The following RHOT2 variants were observed in gnomAD, a reference collection of about 807,000 sequenced individuals.
RHOT2 encodes the protein mitochondrial Rho GTPase 2.
RHOT2 carries 90 observed loss-of-function variants against 81.6 expected under a neutral mutation model. That is an observed-to-expected ratio of 1.10 (90% confidence interval 0.93 to 1.31). The LOEUF (loss-of-function observed/expected upper bound fraction) is 1.31. RHOT2 is among the 40% of genes most tolerant of loss of function. The pLI is 0.00. For missense variants in RHOT2, 1,014 were observed against 841.9 expected (o/e 1.20, Z -2.53); for synonymous variants, 512 against 370.9 (o/e 1.38, Z -4.37).
At chr16:668,453 C>G (rs1567231732) in intron 2 of RHOT2, 35 bp from the exon 3 acceptor site, 1 of 1,578,586 alleles carries the variant, frequency 6.3e-7, no homozygotes, top group Non-Finnish European at 8.6e-7. Flanking sequence ...CGGGCCCAGC[C>G]GGGGGTCCCT....
At position 673,926 on chromosome 16, in the gene RHOT2, G is replaced by A; in HGVS notation, c.*320G>A. The A allele has an allele frequency of 3.6e-6, 2 of 554,666 alleles. No homozygotes were observed. The highest frequency in any genetic ancestry group is 1.5e-5 in the South Asian group (1 of 64,642). The allele number at this position is 554,666 out of a possible 1,614,324, so 34.4% of individuals were successfully genotyped here. On this transcript the variant is annotated 3_prime_UTR_variant, in exon 19 of 19. Coordinates refer to ENST00000315082, the MANE Select transcript of RHOT2 (RefSeq NM_138769.3). ...GGGGAGCACAGGTGTGGGAGCTGGT[G>A]ACCCCAGACCCAGAATTCTCAGGGC... is the stretch of plus-strand genomic sequence containing the variant.
Position 668,134 on chromosome 16 carries a change from A to C in RHOT2, c.-66A>C. ...AAGTGCGGGGCGGGCGCGGGGGCAG[A>C]GCGAAAGGCTTGAGGACCAGGTCGG... is the stretch of plus-strand genomic sequence containing the variant. On this transcript the variant is annotated 5_prime_UTR_variant, in exon 1 of 19. Coordinates refer to ENST00000315082, the MANE Select transcript of RHOT2 (RefSeq NM_138769.3). 2.4e-6 allele frequency: 1 copy of C among 418,606 alleles called. No homozygotes were observed. Among genetic ancestry groups the C allele is most frequent in the Non-Finnish European group, 4.2e-6 (1 of 239,018 alleles). 25.9% of individuals were successfully genotyped at this position (418,606 alleles called of 1,614,324 possible).
Position 669,554 on chromosome 16 carries a change from C to T in RHOT2, c.224C>T (p.Ala75Val), listed in dbSNP as rs1596491402. The T allele has an allele frequency of 6.2e-7, 1 of 1,611,866 alleles. No homozygotes were observed. The highest frequency in any genetic ancestry group is 8.5e-7 in the Non-Finnish European group (1 of 1,179,838). ...DEELREEIHK[A>V]NVVCVVYDVS... ...CACACCTCATCACTGTTCCCTCAGG[C>T]AAACGTGGTGTGTGTGGTGTATGAC... The change falls in exon 5 of 19, where the codon GCA (alanine) becomes GTA (valine). Residue 75 changes from alanine (A) to valine (V), a missense_variant and splice_region_variant. Coordinates refer to ENST00000315082, the MANE Select transcript of RHOT2 (RefSeq NM_138769.3).
In RHOT2 at chr16:672,381, G is replaced by T; in HGVS notation, c.1323G>T (p.Leu441=). 2.5e-6 allele frequency: 4 copies of T among 1,609,762 alleles called. No individual in the cohort carries two copies. Among genetic ancestry groups the T allele is most frequent in the Non-Finnish European group, 3.4e-6 (4 of 1,178,184 alleles). Residue 441 remains leucine, a synonymous_variant, in exon 15 of 19, where the codon CTG becomes CTT. Transcript: ENST00000315082. ...AFLQAFLGRG[L]GHQDTREQPP... Reference sequence around the variant, plus strand: ...TGCAGGCCTTTCTCGGCCGCGGCCTGGGGGTAAGCACCCTAGACTCCCCCA... The same window carrying T: ...TGCAGGCCTTTCTCGGCCGCGGCCTTGGGGTAAGCACCCTAGACTCCCCCA...
rs2038288397 is a variant in RHOT2 at position 668,430 on chromosome 16, G to C, written c.96+19G>C. The C allele has an allele frequency of 6.5e-7, 1 of 1,547,424 alleles. No individual in the cohort carries two copies. The highest frequency in any genetic ancestry group is 8.7e-7 in the Non-Finnish European group (1 of 1,150,596). Reference sequence around the variant, plus strand: ...CGAGGAGGTAAGGGGCACGCCCGCCGCGGGGGTGGGAGCGGGCCCAGCCGG... The same window carrying C: ...CGAGGAGGTAAGGGGCACGCCCGCCCCGGGGGTGGGAGCGGGCCCAGCCGG... On this transcript the variant is annotated intron_variant, in intron 2 of 18. Coordinates refer to ENST00000315082, the MANE Select transcript of RHOT2 (RefSeq NM_138769.3).
chr16:672,843 C>T lies in RHOT2; in HGVS notation c.1527+18C>T, dbSNP rs1419042983. On this transcript the variant is annotated intron_variant, in intron 17 of 18. Coordinates refer to ENST00000315082, the MANE Select transcript of RHOT2 (RefSeq NM_138769.3). ...TCTACAAGGTGGGGCCCTGCAGGGG[C>T]CACGTGGCCATGGGGCAGGGTCTGT... 2 of 1,612,482 alleles carry T rather than the reference C, an allele frequency of 1.2e-6. No homozygotes were observed. Among genetic ancestry groups the T allele is most frequent in the Non-Finnish European group, 1.7e-6 (2 of 1,179,970 alleles).
At position 672,296 on chromosome 16, in the gene RHOT2, A is replaced by G; in HGVS notation, c.1238A>G (p.Gln413Arg). 1 of 1,612,304 alleles carries G rather than the reference A, an allele frequency of 6.2e-7. No individual in the cohort carries two copies. Among genetic ancestry groups the G allele is most frequent in the East Asian group, 2.2e-5 (1 of 44,860 alleles). The change falls in exon 15 of 19, where the codon CAG becomes CGG. Residue 413 changes from glutamine to arginine, a missense_variant. Coordinates refer to ENST00000315082, the MANE Select transcript of RHOT2 (RefSeq NM_138769.3). ...KRLDQEKGQTQRSVLLCKVVG... is the reference protein window; with the variant it reads ...KRLDQEKGQTRRSVLLCKVVG... ...CTGGACCAGGAGAAGGGACAGACGC[A>G]GCGGAGCGTCCTCCTGTGCAAGGTG...
At chr16:671,576 G>A (rs1302891170) in intron 11 of RHOT2, 121 bp from the exon 12 acceptor site, 33 of 1,106,282 alleles carry the variant, frequency 3.0e-5, no homozygotes, top group Non-Finnish European at 2.9e-5. Flanking sequence ...GGGCGTACAG[G>A]AGCCTCTGGG....
intron 4 of RHOT2, 37 bp downstream of exon 4, chr16:668,736 G>T (rs1182546773): frequency 1.1e-5 from 17 of 1,561,662 alleles, no homozygotes; most frequent in Middle Eastern, 3.4e-4. Context: ...GGGGCTGGGC[G>T]CGGGCTCGGC....
intron 4 of RHOT2, 91 bp downstream of exon 4, chr16:668,790 G>C (rs757432032): frequency 7.3e-7 from 1 of 1,365,120 alleles, no homozygotes; most frequent in South Asian, 1.3e-5. Flanking sequence ...AGGTGCTCCG[G>C]GTGTCCTTGG....
chr16:669,533 C>G lies in RHOT2; in HGVS notation c.223-20C>G, dbSNP rs766345118. Reference sequence around the variant, plus strand: ...TGAGCCAGCAGCCCTGTCACCCACACCTCATCACTGTTCCCTCAGGCAAAC... The same window carrying G: ...TGAGCCAGCAGCCCTGTCACCCACAGCTCATCACTGTTCCCTCAGGCAAAC... On this transcript the variant is annotated intron_variant, in intron 4 of 18. Coordinates refer to ENST00000315082, the MANE Select transcript of RHOT2 (RefSeq NM_138769.3). The G allele has an allele frequency of 6.2e-7, 1 of 1,610,726 alleles. No homozygotes were observed. The highest frequency in any genetic ancestry group is 1.1e-5 in the South Asian group (1 of 90,734).
In RHOT2 at chr16:668,149, GACCAGGTCGGGGCCGGGT is replaced by G; in HGVS notation, c.-50_-33del. 2.3e-6 allele frequency: 1 copy of G among 436,308 alleles called. No individual in the cohort carries two copies. Among genetic ancestry groups the G allele is most frequent in the Non-Finnish European group, 4.0e-6 (1 of 249,272 alleles). 27.0% of individuals were successfully genotyped at this position (436,308 alleles called of 1,614,324 possible). A position where few individuals can be genotyped will look rare whatever the true frequency, so the allele number is the denominator to read the frequency against. On this transcript the variant is annotated 5_prime_UTR_variant, in exon 1 of 19. Coordinates refer to ENST00000315082, the MANE Select transcript of RHOT2 (RefSeq NM_138769.3). ...GCGGGGGCAGAGCGAAAGGCTTGAG[GACCAGGTCGGGGCCGGGT>G]TCCGGGTCGGGGAGCGGCTCCGGGC...
Position 670,451 on chromosome 16 carries a change from C to A in RHOT2, c.439-5C>A, listed in dbSNP as rs376943548. 4.5e-5 allele frequency: 73 copies of A among 1,605,504 alleles called. No individual in the cohort carries two copies. The highest frequency in any genetic ancestry group is 1.7e-4 in the Middle Eastern group (1 of 6,046). Reference sequence around the variant, plus strand: ...ACTTCCCTGAGGCTGTTCCCACTTTCCCAGTGTTCGGCCAAGAACCTGAGG... The same window carrying A: ...ACTTCCCTGAGGCTGTTCCCACTTTACCAGTGTTCGGCCAAGAACCTGAGG... On this transcript the variant is annotated splice_region_variant and splice_polypyrimidine_tract_variant and intron_variant, in intron 7 of 18. Coordinates refer to ENST00000315082, the MANE Select transcript of RHOT2 (RefSeq NM_138769.3).
chr16:671,237 C>G (rs908315311), intron 11 of RHOT2, 34 bp downstream of exon 11: 3 of 1,519,740 alleles, frequency 2.0e-6, no homozygotes, highest in Non-Finnish European at 2.6e-6. Flanking sequence ...CCTGCCCTCC[C>G]CGAGGGTCAG....
In RHOT2 at chr16:669,719, T is replaced by C. The variant is rs2038583407; in HGVS notation, c.276+113T>C. Reference sequence around the variant, plus strand: ...ATCGCTCACAGCATTTTGGGGAGCCTGACGTGGAGTTGCCTGACGTGGAGT... The same window carrying C: ...ATCGCTCACAGCATTTTGGGGAGCCCGACGTGGAGTTGCCTGACGTGGAGT... On this transcript the variant is annotated intron_variant, in intron 5 of 18. Transcript: ENST00000315082. 3 of 1,090,366 alleles carry C rather than the reference T, an allele frequency of 2.8e-6. No homozygotes were observed. The Admixed American group carries it at 5.6e-5, about 20-fold the overall frequency. The allele number at this position is 1,090,366 out of a possible 1,614,324, so 67.5% of individuals were successfully genotyped here.
rs768565436 is a variant in RHOT2, at chr16:673,626, C to G, written c.*20C>G. 5.0e-6 allele frequency: 8 copies of G among 1,599,838 alleles called. No individual in the cohort carries two copies. In the South Asian group the frequency reaches 8.9e-5, roughly 18 times the overall value. ...CAGTGAGGCCCCTGGTACCCAAGCC[C>G]CCTCCCCTGACCTGGGTGTGCCTCG... is the stretch of plus-strand genomic sequence containing the variant. On this transcript the variant is annotated 3_prime_UTR_variant, in exon 19 of 19. Coordinates refer to ENST00000315082, the MANE Select transcript of RHOT2 (RefSeq NM_138769.3).
rs2038748526 is a variant in RHOT2, at chr16:670,549, G to A, written c.532G>A (p.Ala178Thr). The A allele has an allele frequency of 6.2e-7, 1 of 1,605,092 alleles. No homozygotes were observed. Among genetic ancestry groups the A allele is most frequent in the South Asian group, 1.1e-5 (1 of 90,094 alleles). ...CACAGCCCCCCTCTATGACCCTGAG[G>A]CCAAGCAGGTGAGCATCGGCTGGGG... is the stretch of plus-strand genomic sequence containing the variant. The part of the protein sequence containing the change: ...HPTAPLYDPE[A>T]KQLRPACAQA... Residue 178 changes from alanine (A) to threonine (T), a missense_variant, in exon 8 of 19, where the codon GCC (alanine) becomes ACC (threonine). Ala to Thr is a moderately conservative substitution (Grantham distance 58). Coordinates refer to ENST00000315082, the MANE Select transcript of RHOT2 (RefSeq NM_138769.3).
intron 4 of RHOT2, chr16:669,350 T>G: frequency 1.7e-6 from 1 of 603,780 alleles, no homozygotes; most frequent in Non-Finnish European, 3.0e-6. Flanking sequence ...GCTCCCAGTG[T>G]GACACTGGGG....
At position 668,496 on chromosome 16, in the gene RHOT2, C is replaced by G; in HGVS notation, c.105C>G (p.Pro35=). The part of the protein sequence containing the change: ...VGEEFPEEVP[P]RAEEITIPAD... The stretch of plus-strand genomic sequence containing the variant: ...GCGCGGGTCCCTTGCAGGTCCCTCC[C>G]CGCGCGGAGGAGATCACCATCCCCG... Residue 35 remains proline, a synonymous_variant, in exon 3 of 19, where the codon CCC becomes CCG. Coordinates refer to ENST00000315082, the MANE Select transcript of RHOT2 (RefSeq NM_138769.3). 1.2e-6 allele frequency: 2 copies of G among 1,605,958 alleles called. No homozygotes were observed. Among genetic ancestry groups the G allele is most frequent in the Non-Finnish European group, 1.7e-6 (2 of 1,177,004 alleles).
Sources: allele counts gnomAD v4.1 joint callset, GRCh38; gene constraint gnomAD v4.1.1; transcripts MANE v1.5; gene names NCBI Gene and HGNC (gene_info 2026-07-23, HGNC 2026-07-21).